Variants in SEMA3A observed in about 807,000 individuals in gnomAD.
SEMA3A encodes semaphorin 3A, also known as semaphorin-3A.
A neutral mutation model predicts 97.9 loss-of-function variants in SEMA3A; 29 were observed. The ratio of observed to expected loss-of-function variants is 0.30; its 90% CI spans 0.22 to 0.40. SEMA3A has a LOEUF of 0.40. Among genes scored for constraint, SEMA3A ranks in the 10% least tolerant of loss-of-function variants. The pLI, the probability that SEMA3A is intolerant of heterozygous loss-of-function variation, is 1.00. For missense variants in SEMA3A, 763 were observed against 951.3 expected, an observed-to-expected ratio of 0.80 and a Z score of 2.60; for synonymous variants, 321 against 323.7, an observed-to-expected ratio of 0.99 and a Z score of 0.09.
intron 3 of SEMA3A, among the ~76,000 whole-genome samples, chr7:84,267,251 A>T (rs539638186): frequency 6.6e-6 from 1 of 152,138 alleles, no homozygotes; most frequent in Non-Finnish European, 1.5e-5. Flanking sequence ...TTCTAGTCCC[A>T]AGCATTTCAG....
Position 83,963,343 on chromosome 7 carries a change from A to G in SEMA3A, c.1722T>C (p.Asn574=), listed in dbSNP as rs772541547. ...LTHCSDLHHD[N]HHGHSPEERI... The stretch of plus-strand genomic sequence containing the variant: ...TCTCTTCAGGGCTGTGGCCATGGTG[A>G]TTATCTGGCCAGTGATGAGAAAATG... The change falls in exon 16 of 17, where the codon AAT becomes AAC. Residue 574 remains asparagine (N), a synonymous_variant. Transcript: ENST00000265362. 6.2e-7 allele frequency: 1 copy of G among 1,612,112 alleles called. No homozygotes were observed. The highest frequency in any genetic ancestry group is 1.1e-5 in the South Asian group (1 of 90,998).
intron 15 of SEMA3A, among the ~76,000 whole-genome samples, chr7:83,967,338 G>A (rs181371541): frequency 1.9e-4 from 29 of 152,200 alleles, no homozygotes; most frequent in Admixed American, 3.9e-4. Flanking sequence ...TTAACAATGT[G>A]TTCTATCTCC....
At chr7:84,425,796 C>T (rs1400068829) in intron 1 of SEMA3A, among the ~76,000 whole-genome samples, 2 of 148,358 alleles carry the variant, frequency 1.3e-5, no homozygotes, top group African/African-American at 4.9e-5. Context: ...TATGGTGAAA[C>T]CCCGTCTTTG....
intron 5 of SEMA3A, among the ~76,000 whole-genome samples, chr7:84,048,803 C>A (rs1039700079): frequency 6.6e-6 from 1 of 151,964 alleles, no homozygotes; most frequent in Non-Finnish European, 1.5e-5. Flanking sequence ...TCATTCTTAT[C>A]ATTTAGCTTT....
intron 1 of SEMA3A, among the ~76,000 whole-genome samples, chr7:84,168,168 A>G (rs1797272694): frequency 6.6e-6 from 1 of 152,088 alleles, no homozygotes; most frequent in South Asian, 2.1e-4. Context: ...ACTCAATTAC[A>G]AAACACTGCT....
intron 3 of SEMA3A, among the ~76,000 whole-genome samples, chr7:84,250,403 G>A (rs1392165438): frequency 6.6e-6 from 1 of 152,024 alleles, no homozygotes; most frequent in Non-Finnish European, 1.5e-5. Flanking sequence ...AAATGACTTT[G>A]ACGATCTCAG....
chr7:83,961,877 A>G (rs772574682), intron 16 of SEMA3A, 51 bp from the exon 17 acceptor site: 3 of 1,371,132 alleles, frequency 2.2e-6, no homozygotes, highest in Non-Finnish European at 3.0e-6. Context: ...TAAAAGAAAT[A>G]GAAGCTCTGA....
chr7:84,429,224 A>T (rs1254295676), intron 1 of SEMA3A, among the ~76,000 whole-genome samples: 2 of 151,738 alleles, frequency 1.3e-5, no homozygotes, highest in Admixed American at 6.6e-5. Flanking sequence ...CATTTTACCT[A>T]CTAATATATC....
intron 3 of SEMA3A, among the ~76,000 whole-genome samples, chr7:84,238,285 T>G (rs1267174605): frequency 6.6e-6 from 1 of 152,092 alleles, no homozygotes; most frequent in Non-Finnish European, 1.5e-5. Context: ...CAGGCTGGCC[T>G]TGAACTCCTG....
At chr7:84,050,693 T>G (rs945304631) in intron 5 of SEMA3A, among the ~76,000 whole-genome samples, 14 of 152,236 alleles carry the variant, frequency 9.2e-5, no homozygotes, top group Non-Finnish European at 1.8e-4. Flanking sequence ...TCTTATGCTG[T>G]GCAGAAGCTC....
At chr7:84,338,088 A>G (rs548030028) in intron 2 of SEMA3A, among the ~76,000 whole-genome samples, 72 of 152,032 alleles carry the variant, frequency 4.7e-4, no homozygotes, top group African/African-American at 1.7e-3. Context: ...ACATATCTCT[A>G]TACACATATA....
In SEMA3A at chr7:83,981,224, A is replaced by G. The variant is rs17158435; in HGVS notation, c.1652+97T>C. The G allele has an allele frequency of 0.069, 93,661 of 1,353,942 alleles. 4,439 individuals carry two copies. The highest frequency in any genetic ancestry group is 0.21 in the African/African-American group (14,433 of 68,716). 83.9% of individuals were successfully genotyped at this position (1,353,942 alleles called of 1,614,324 possible). A position where few individuals can be genotyped will look rare whatever the true frequency, so the allele number is the denominator to read the frequency against. On this transcript the variant is annotated intron_variant, in intron 14 of 16. Transcript: ENST00000265362. ...GCTCCCAAATCTTTTTATTCATTAG[A>G]AAAAGTTGATGCACTTATTTGAAGA...
At chr7:84,199,709 T>C (rs1459971753), upstream of SEMA3A, among the ~76,000 whole-genome samples, 2 of 152,148 alleles carry the variant, frequency 1.3e-5, no homozygotes, top group Admixed American at 6.5e-5. Flanking sequence ...GGTTTTTCTA[T>C]ACAAGAAATT....
chr7:84,190,950 T>C (rs1364112249), intron 1 of SEMA3A, among the ~76,000 whole-genome samples: 1 of 99,974 alleles, frequency 1.0e-5, no homozygotes, highest in Admixed American at 8.9e-5. Context: ...TACACATAAA[T>C]GTATTGGTAT....
chr7:84,400,673 T>C lies in SEMA3A; in HGVS notation c.-245-28773A>G, dbSNP rs145036351. 2.1e-3 allele frequency among the ~76,000 whole-genome samples: 325 copies of C among 152,260 alleles called. 2 individuals are homozygous for C. Among genetic ancestry groups the C allele is most frequent in the South Asian group, 8.7e-3 (42 of 4,822 alleles). On this transcript the variant is annotated intron_variant, in intron 1 of 3. Transcript: ENST00000424555. ...GGGCAAATCTAAGATTTATCGGCCT[T>C]AAAGAAGAAGTAAAGGTAGAAATAG... is the stretch of plus-strand genomic sequence containing the variant.
At position 84,306,913 on chromosome 7, in the gene SEMA3A, A is replaced by C. The variant is rs953329987; in HGVS notation, c.-83+294T>G. Among the ~76,000 whole-genome samples, 4 of 152,062 alleles carry C rather than the reference A, an allele frequency of 2.6e-5. 1 individual carries two copies. Among genetic ancestry groups the C allele is most frequent in the Non-Finnish European group, 5.9e-5 (4 of 67,998 alleles). ...TGCTCTGTGGCTCCTGGGGAACCTC[A>C]CAAACCCAGTGAAATTCCCAAGTCT... On this transcript the variant is annotated intron_variant, in intron 3 of 3. Coordinates refer to the SEMA3A transcript ENST00000424555.
At chr7:84,331,795 T>A (rs1801915743) in intron 2 of SEMA3A, among the ~76,000 whole-genome samples, 1 of 152,080 alleles carries the variant, frequency 6.6e-6, no homozygotes, top group African/African-American at 2.4e-5. Flanking sequence ...TGTGCGTGCA[T>A]GCGTGCGTGC....
intron 1 of SEMA3A, among the ~76,000 whole-genome samples, chr7:84,394,062 T>C (rs1803660886): frequency 1.3e-5 from 2 of 152,126 alleles, no homozygotes; most frequent in Non-Finnish European, 2.9e-5. Context: ...TCACTTTTTC[T>C]CTTGGATTTC....
intron 3 of SEMA3A, among the ~76,000 whole-genome samples, chr7:84,203,546 T>TTTTTTTC (rs1554345526): frequency 7.6e-6 from 1 of 131,522 alleles, no homozygotes; most frequent in Non-Finnish European, 1.6e-5. Context: ...TTTTTTTTTT[T>TTTTTTTC]CTGAGATAGA....
Sources: gnomAD v4.1 joint callset for allele counts (sites outside exome capture counted in the v4.1 genomes callset) on GRCh38, gnomAD v4.1.1 for gene constraint, MANE v1.5 for transcripts, NCBI Gene and HGNC (gene_info 2026-07-23, HGNC 2026-07-21) for gene names.